PLPBP: variants seen among roughly 807,000 people sequenced by gnomAD.
The protein encoded by PLPBP is pyridoxal phosphate homeostasis protein.
A neutral mutation model predicts 31.2 loss-of-function variants in PLPBP; 21 were observed. That is an observed-to-expected ratio of 0.67 (90% CI 0.48 to 0.97). The LOEUF is 0.97. Ranked by LOEUF, PLPBP falls within the 50% of genes least tolerant of loss-of-function variation. The probability of loss-of-function intolerance (pLI) is 0.00; values close to 1 mark genes in which losing one functional copy is unlikely to be tolerated. For synonymous variants in PLPBP, 124 were observed against 135.6 expected (o/e 0.91, Z 0.59); for missense variants, 308 against 354.4 (o/e 0.87, Z 1.05).
chr8:37,777,101 C>G (rs1803933113), intron 7 of PLPBP, among the ~76,000 whole-genome samples: 1 of 152,128 alleles, frequency 6.6e-6, no homozygotes, highest in South Asian at 2.1e-4. Flanking sequence ...CACCAACAAT[C>G]TTATATGTAC....
chr8:37,777,216 AT>A (rs1803935971), intron 7 of PLPBP, among the ~76,000 whole-genome samples: 2 of 152,378 alleles, frequency 1.3e-5, no homozygotes, highest in Admixed American at 1.3e-4. Context: ...AAAAATCAAA[AT>A]ATAAACTTGC....
chr8:37,763,389 A>G lies in PLPBP; in HGVS notation c.99+631A>G, dbSNP rs1803536103. 2.0e-5 allele frequency among the ~76,000 whole-genome samples: 3 copies of G among 152,198 alleles called. No homozygotes were observed. In the South Asian group the frequency reaches 6.2e-4, roughly 31 times the overall value. ...AATCAAAATCTGCCCACCTCAGTGC[A>G]AGTTTAAGCTGAATGGTGTGGAATG... On this transcript the variant is annotated intron_variant, in intron 1 of 7. Coordinates refer to ENST00000328195, the MANE Select transcript of PLPBP (RefSeq NM_007198.4).
chr8:37,775,452 C>T lies in PLPBP; in HGVS notation c.568C>T (p.Leu190Phe). The change falls in exon 6 of 8, where the codon CTT becomes TTT. Residue 190 changes from leucine (L) to phenylalanine (F), a missense_variant. Leu to Phe is a conservative substitution (Grantham distance 22, BLOSUM62 0). Transcript: ENST00000328195. ...GACCATAGGAAGCTTTGGGCATGAT[C>T]TTAGTCAAGGACCAAATCCAGACTT... ...LMTIGSFGHD[L>F]SQGPNPDFQL... 6.2e-7 allele frequency: 1 copy of T among 1,614,178 alleles called. No homozygotes were observed. Among genetic ancestry groups the T allele is most frequent in the South Asian group, 1.1e-5 (1 of 91,080 alleles).
chr8:37,768,218 G>C (rs1321236713), intron 4 of PLPBP, among the ~76,000 whole-genome samples: 1 of 152,114 alleles, frequency 6.6e-6, no homozygotes, highest in East Asian at 1.9e-4. Context: ...TGTGTTATGG[G>C]ATTTATAACT....
At position 37,763,360 on chromosome 8, in the gene PLPBP, C is replaced by A. The variant is rs1803535008; in HGVS notation, c.99+602C>A. ...ACATCCTCTTGGACTTTGATTAGAC[C>A]AAGAATCAAAATCTGCCCACCTCAG... is the stretch of plus-strand genomic sequence containing the variant. On this transcript the variant is annotated intron_variant, in intron 1 of 7. Coordinates refer to ENST00000328195, the MANE Select transcript of PLPBP (RefSeq NM_007198.4). Among the ~76,000 whole-genome samples, 4 of 152,244 alleles carry A rather than the reference C, an allele frequency of 2.6e-5. No individual in the cohort carries two copies. The South Asian group carries it at 8.3e-4, about 32-fold the overall frequency.
At position 37,765,708 on chromosome 8, in the gene PLPBP, T is replaced by C; in HGVS notation, c.208-3T>C. 1 of 1,614,060 alleles carries C rather than the reference T, an allele frequency of 6.2e-7. No homozygotes were observed. The highest frequency in any genetic ancestry group is 8.5e-7 in the Non-Finnish European group (1 of 1,180,020). Reference sequence around the variant, plus strand: ...TCTGACTTGTTCTGTTTTGACCTTTTAGGTTCAGGAACTGCTAGAAAAAGC... The same window carrying C: ...TCTGACTTGTTCTGTTTTGACCTTTCAGGTTCAGGAACTGCTAGAAAAAGC... On this transcript the variant is annotated splice_polypyrimidine_tract_variant and splice_region_variant and intron_variant, in intron 2 of 7. Transcript: ENST00000328195.
At chr8:37,769,549 G>A (rs978753161) in intron 4 of PLPBP, among the ~76,000 whole-genome samples, 3 of 151,774 alleles carry the variant, frequency 2.0e-5, no homozygotes, top group African/African-American at 7.3e-5. Context: ...AAAAACTGGG[G>A]CAATTTATAA....
chr8:37,764,071 CTTT>C (rs111913973), intron 1 of PLPBP, among the ~76,000 whole-genome samples: 158 of 126,894 alleles, frequency 1.2e-3, no homozygotes, highest in African/African-American at 4.0e-3. Context: ...TCTTTTCTTT[CTTT>C]TTTTTTTTTT....
chr8:37,764,596 C>T (rs1803574430), intron 1 of PLPBP, among the ~76,000 whole-genome samples: 1 of 152,206 alleles, frequency 6.6e-6, no homozygotes. Context: ...GCAGGGATTA[C>T]AGGCGTGTGG....
At position 37,762,685 on chromosome 8, in the gene PLPBP, C is replaced by A; in HGVS notation, c.26C>A (p.Ala9Asp). The change falls in exon 1 of 8, where the codon GCC (alanine) becomes GAC (aspartate). Residue 9 changes from alanine to aspartate, a missense_variant. Around this residue, in one of 2 missense-constraint regions of PLPBP, gnomAD observed 120 missense variants for 95.1 expected, o/e 1.26. Coordinates refer to ENST00000328195, the MANE Select transcript of PLPBP (RefSeq NM_007198.4). MWRAGSMS[A>D]ELGVGCALRA... ...ATGTGGAGAGCTGGCAGCATGTCGGCCGAGCTGGGAGTCGGGTGCGCATTG... is the reference window on the plus strand; with the variant it reads ...ATGTGGAGAGCTGGCAGCATGTCGGACGAGCTGGGAGTCGGGTGCGCATTG... The A allele has an allele frequency of 6.3e-7, 1 of 1,589,252 alleles. No homozygotes were observed. The highest frequency in any genetic ancestry group is 1.8e-5 in the Admixed American group (1 of 56,374).
chr8:37,774,374 T>A lies in PLPBP; in HGVS notation c.455-965T>A, dbSNP rs1341809092. Among the ~76,000 whole-genome samples, 4 of 152,258 alleles carry A rather than the reference T, an allele frequency of 2.6e-5. No individual in the cohort carries two copies. The East Asian group carries it at 5.8e-4, about 22-fold the overall frequency. On this transcript the variant is annotated intron_variant, in intron 5 of 7. Coordinates refer to ENST00000328195, the MANE Select transcript of PLPBP (RefSeq NM_007198.4). Reference sequence around the variant, plus strand: ...TACTTTCCAGTATTGTAACCTTGGATAAGTTACCTAATCTCTCTGTACTTC... The same window carrying A: ...TACTTTCCAGTATTGTAACCTTGGAAAAGTTACCTAATCTCTCTGTACTTC...
chr8:37,767,799 C>CTTTTTTT (rs1175107737), intron 4 of PLPBP, among the ~76,000 whole-genome samples: 39 of 98,920 alleles, frequency 3.9e-4, no homozygotes, highest in African/African-American at 7.7e-4. Context: ...CTTTTATTTA[C>CTTTTTTT]TTTTTTTTTT....
intron 1 of PLPBP, among the ~76,000 whole-genome samples, chr8:37,764,807 TCTA>T (rs1270685380): frequency 6.6e-6 from 1 of 152,216 alleles, no homozygotes; most frequent in East Asian, 1.9e-4. Flanking sequence ...AGTGCAGCCT[TCTA>T]TTAATGAAGT....
At chr8:37,776,779 T>C (rs116396730) in intron 7 of PLPBP, among the ~76,000 whole-genome samples, 30 of 152,234 alleles carry the variant, frequency 2.0e-4, no homozygotes, top group African/African-American at 5.5e-4. Flanking sequence ...TGTTTGTTTT[T>C]TTTTGGAGAC....
intron 3 of PLPBP, 138 bp downstream of exon 3, chr8:37,765,884 G>A: frequency 1.1e-6 from 1 of 913,670 alleles, no homozygotes; most frequent in Non-Finnish European, 1.7e-6. Flanking sequence ...AGAAATGTCA[G>A]CTTCCTCCTT....
chr8:37,764,423 G>A (rs28532175), intron 1 of PLPBP, among the ~76,000 whole-genome samples: 32,251 of 152,158 alleles, frequency 0.21, 3,685 homozygotes, highest in Middle Eastern at 0.26. Flanking sequence ...CCGGATTCAA[G>A]CAATTCTCCT....
At chr8:37,765,788 G>A in intron 3 of PLPBP, 42 bp downstream of exon 3, 1 of 1,597,828 alleles carries the variant, frequency 6.3e-7, no homozygotes, top group Non-Finnish European at 8.5e-7. Flanking sequence ...TCTAAATCTT[G>A]GCTCTTTAGT....
At chr8:37,773,378 G>A (rs971603516) in intron 5 of PLPBP, among the ~76,000 whole-genome samples, 1 of 151,496 alleles carries the variant, frequency 6.6e-6, no homozygotes, top group African/African-American at 2.4e-5. Context: ...ATATTGGCCA[G>A]ACTGCTCTCG....
chr8:37,778,351 G>A lies in PLPBP; in HGVS notation c.*247G>A. On this transcript the variant is annotated 3_prime_UTR_variant, in exon 8 of 8. Coordinates refer to ENST00000328195, the MANE Select transcript of PLPBP (RefSeq NM_007198.4). ...TACCAAATCAATAGCTAGGAATCAT[G>A]TTCAATATTGAATTCTGCCCAGGAG... 6.5e-6 allele frequency: 2 copies of A among 308,542 alleles called. No homozygotes were observed. Among genetic ancestry groups the A allele is most frequent in the Non-Finnish European group, 1.2e-5 (2 of 164,278 alleles). The allele number at this position is 308,542 out of a possible 1,614,324, so 19.1% of individuals were successfully genotyped here.
Sources: allele counts gnomAD v4.1 joint callset (sites outside exome capture counted in the v4.1 genomes callset), GRCh38; gene constraint gnomAD v4.1.1; regional missense constraint gnomAD v4.1.1; transcripts MANE v1.5; gene names NCBI Gene and HGNC (gene_info 2026-07-23, HGNC 2026-07-21).